TRAF5: variants seen among roughly 807,000 people sequenced by gnomAD.
The protein encoded by TRAF5 is TNF receptor-associated factor 5.
TRAF5 carries 48 observed loss-of-function variants against 64.5 expected under a neutral mutation model. That is an observed-to-expected ratio of 0.74 (90% CI 0.59 to 0.95). The LOEUF is 0.95. Ranked by LOEUF, TRAF5 falls within the 40% of genes least tolerant of loss-of-function variation. The pLI is 0.00. For missense variants in TRAF5, 545 were observed against 662.8 expected, an observed-to-expected ratio of 0.82 and a Z score of 1.95; for synonymous variants, 206 against 240.5, an observed-to-expected ratio of 0.86 and a Z score of 1.33.
chr1:211,361,017 T>G (rs1437708463), intron 6 of TRAF5, 71 bp from the exon 7 acceptor site: 2 of 1,503,590 alleles, frequency 1.3e-6, no homozygotes, highest in South Asian at 1.1e-5. Context: ...CAAGCCACTC[T>G]TGGCTCCCTG....
Position 211,359,961 on chromosome 1 carries a change from A to C in TRAF5, c.428A>C (p.Lys143Thr). The C allele has an allele frequency of 6.2e-7, 1 of 1,614,092 alleles. No individual in the cohort carries two copies. Among genetic ancestry groups the C allele is most frequent in the Middle Eastern group, 1.7e-4 (1 of 6,056 alleles). ...LFQPVQCSNEKCREPVLRKDL... is the reference protein window; with the variant it reads ...LFQPVQCSNETCREPVLRKDL... ...CAACCTGTGCAGTGTTCTAATGAGA[A>C]GTGCCGGGAGCCAGTCCTACGGAAA... The change falls in exon 5 of 11, where the codon AAG (lysine) becomes ACG (threonine). Residue 143 changes from lysine (K) to threonine (T), a missense_variant. Coordinates refer to ENST00000261464, the MANE Select transcript of TRAF5 (RefSeq NM_001033910.3).
At chr1:211,328,571 G>C (rs1312824885) in intron 1 of TRAF5, among the ~76,000 whole-genome samples, 1 of 152,154 alleles carries the variant, frequency 6.6e-6, no homozygotes, top group Non-Finnish European at 1.5e-5. Flanking sequence ...GTGGAAAAGA[G>C]CTGCCGTCCA....
At chr1:211,329,159 C>G (rs1702096481) in intron 1 of TRAF5, among the ~76,000 whole-genome samples, 1 of 152,242 alleles carries the variant, frequency 6.6e-6, no homozygotes, top group Non-Finnish European at 1.5e-5. Context: ...TCTGTTAGCT[C>G]TGCCTAGCCA....
rs777280105 is a variant in TRAF5, at chr1:211,371,465, G to A, written c.1094G>A (p.Arg365Lys). Reference protein sequence around the residue: ...KITLLENNDQRLAVLEEETNK... With the variant: ...KITLLENNDQKLAVLEEETNK... The stretch of plus-strand genomic sequence containing the variant: ...ACCCTGCTAGAAAACAATGATCAAA[G>A]ATTAGGTATGTCTGATATTTTATTT... Residue 365 changes from arginine (R) to lysine (K), a missense_variant, in exon 10 of 11, where the codon AGA becomes AAA. Physicochemically the swap from Arg to Lys is conservative, Grantham distance 26. Coordinates refer to ENST00000261464, the MANE Select transcript of TRAF5 (RefSeq NM_001033910.3). The A allele has an allele frequency of 2.5e-6, 4 of 1,606,830 alleles. No homozygotes were observed. The East Asian group carries it at 8.9e-5, about 36-fold the overall frequency.
chr1:211,334,063 A>G (rs1210182621), intron 1 of TRAF5, among the ~76,000 whole-genome samples: 1 of 152,250 alleles, frequency 6.6e-6, no homozygotes, highest in Non-Finnish European at 1.5e-5. Context: ...TCATTTCAGC[A>G]AAAGAATACA....
chr1:211,345,634 A>G (rs926584473), intron 1 of TRAF5, among the ~76,000 whole-genome samples: 3 of 152,186 alleles, frequency 2.0e-5, no homozygotes, highest in African/African-American at 4.8e-5. Context: ...GGGGAATAAC[A>G]TATTTGTATC....
At chr1:211,361,917 G>A (rs563147963) in intron 7 of TRAF5, among the ~76,000 whole-genome samples, 3 of 151,868 alleles carry the variant, frequency 2.0e-5, no homozygotes, top group South Asian at 2.1e-4. Context: ...GGCTGGTCTT[G>A]AACTTCAGAC....
intron 1 of TRAF5, among the ~76,000 whole-genome samples, chr1:211,332,215 G>A (rs747249363): frequency 5.9e-5 from 9 of 152,206 alleles, no homozygotes; most frequent in Admixed American, 5.9e-4. Context: ...AGGAAGAATA[G>A]TGCTTGGCAG....
rs10677348 is a variant in TRAF5, at chr1:211,364,688, AAAAC to A, written c.697-668_697-665del. Reference sequence around the variant, plus strand: ...GCGACAGAGCAAGACTCCATCTCAAAAAACAAACAAACAAACAAACAAAACTGAT... The same window carrying A: ...GCGACAGAGCAAGACTCCATCTCAAAAAACAAACAAACAAACAAAACTGAT... On this transcript the variant is annotated intron_variant, in intron 7 of 10. Coordinates refer to ENST00000261464, the MANE Select transcript of TRAF5 (RefSeq NM_001033910.3). Among the ~76,000 whole-genome samples the A allele has an allele frequency of 1.9e-3, 290 of 150,896 alleles. 1 individual carries two copies. The highest frequency in any genetic ancestry group is 3.2e-3 in the Non-Finnish European group (219 of 67,732).
At chr1:211,327,138 C>T (rs1702037249) in intron 1 of TRAF5, among the ~76,000 whole-genome samples, 1 of 151,976 alleles carries the variant, frequency 6.6e-6, no homozygotes, top group Non-Finnish European at 1.5e-5. Flanking sequence ...GGGAGCGGTG[C>T]GGAGCGGGTT....
rs113792464 is a variant in TRAF5 at position 211,338,992 on chromosome 1, G to A, written c.-2+12103G>A. Among the ~76,000 whole-genome samples, 1,026 of 152,282 alleles carry A rather than the reference G, an allele frequency of 6.7e-3. 5 individuals are homozygous for A. The highest frequency in any genetic ancestry group is 9.7e-3 in the Non-Finnish European group (662 of 68,020). On this transcript the variant is annotated intron_variant, in intron 1 of 10. Coordinates refer to ENST00000261464, the MANE Select transcript of TRAF5 (RefSeq NM_001033910.3). ...CAGAGCTGGTCTCTAACCAGTAAGC[G>A]GTACTGCCTGCCATCAAGCCCTCCT...
intron 7 of TRAF5, among the ~76,000 whole-genome samples, chr1:211,362,254 CAA>C (rs1558145491): frequency 6.6e-6 from 1 of 152,024 alleles, no homozygotes; most frequent in Non-Finnish European, 1.5e-5. Context: ...CCAGGTGGAG[CAA>C]AGTTTTAGGC....
intron 1 of TRAF5, among the ~76,000 whole-genome samples, chr1:211,349,796 G>A (rs550859299): frequency 6.6e-6 from 1 of 152,318 alleles, no homozygotes; most frequent in East Asian, 1.9e-4. Flanking sequence ...GACTGAATGA[G>A]CCTGTTGCTT....
intron 1 of TRAF5, among the ~76,000 whole-genome samples, chr1:211,341,140 TAGCCTTTCCAATGAGGAGA>T (rs921829364): frequency 2.6e-5 from 4 of 152,296 alleles, no homozygotes; most frequent in African/African-American, 4.8e-5. Flanking sequence ...TGGCAGTAGG[TAGCCTTTCCAATGAGGAGA>T]AGCCTTTCCA....
intron 8 of TRAF5, among the ~76,000 whole-genome samples, chr1:211,368,603 T>C (rs570776284): frequency 3.3e-4 from 51 of 152,268 alleles, no homozygotes; most frequent in African/African-American, 1.2e-3. Flanking sequence ...AAATGAGAAA[T>C]GGATTTAAGT....
At chr1:211,339,630 A>T (rs993160715) in intron 1 of TRAF5, among the ~76,000 whole-genome samples, 1 of 152,060 alleles carries the variant, frequency 6.6e-6, no homozygotes, top group Non-Finnish European at 1.5e-5. Flanking sequence ...TGTTGCCCTG[A>T]TCAGGCCCTT....
At chr1:211,337,002 G>A (rs1014462634) in intron 1 of TRAF5, among the ~76,000 whole-genome samples, 2 of 152,214 alleles carry the variant, frequency 1.3e-5, no homozygotes, top group African/African-American at 4.8e-5. Context: ...AAAGTGCCGG[G>A]ATTAAAGGCG....
intron 1 of TRAF5, among the ~76,000 whole-genome samples, chr1:211,352,025 C>T (rs1702800206): frequency 6.6e-6 from 1 of 152,070 alleles, no homozygotes; most frequent in Non-Finnish European, 1.5e-5. Flanking sequence ...GAGGCTGAGC[C>T]ACAAAGATCA....
At chr1:211,340,571 T>G (rs555889956) in intron 1 of TRAF5, among the ~76,000 whole-genome samples, 81 of 152,312 alleles carry the variant, frequency 5.3e-4, no homozygotes, top group African/African-American at 1.9e-3. Context: ...TGTGAGCTGT[T>G]GGGAAAAAGC....
Sources: allele counts gnomAD v4.1 joint callset (sites outside exome capture counted in the v4.1 genomes callset), GRCh38; gene constraint gnomAD v4.1.1; transcripts MANE v1.5; gene names NCBI Gene and HGNC (gene_info 2026-07-23, HGNC 2026-07-21).